Variants in ADGRL3 observed in about 807,000 individuals in gnomAD.
ADGRL3 encodes the protein adhesion G protein-coupled receptor L3.
In ADGRL3, 62 loss-of-function variants were observed where a neutral mutation model predicts 153.5. The ratio of observed to expected loss-of-function variants is 0.40; its 90% CI spans 0.33 to 0.50. The LOEUF is 0.50. Among genes scored for constraint, ADGRL3 ranks in the 20% least tolerant of loss-of-function variants. ADGRL3 has a pLI of 0.47. For missense variants in ADGRL3, 1,641 were observed against 1,859.4 expected, an observed-to-expected ratio of 0.88 and a Z score of 2.16; for synonymous variants, 710 against 672.5, an observed-to-expected ratio of 1.06 and a Z score of -0.86.
At chr4:61,846,579 A>C (rs557663045) in intron 9 of ADGRL3, among the ~76,000 whole-genome samples, 60 of 152,222 alleles carry the variant, frequency 3.9e-4, no homozygotes, top group African/African-American at 1.3e-3. Flanking sequence ...ATTTTTCTAT[A>C]ATATCATTGA....
intron 3 of ADGRL3, among the ~76,000 whole-genome samples, chr4:61,511,178 T>C (rs1476972419): frequency 6.6e-6 from 1 of 152,092 alleles, no homozygotes; most frequent in Non-Finnish European, 1.5e-5. Flanking sequence ...GCCAACTTGG[T>C]GAAACCCTCT....
intron 15 of ADGRL3, among the ~76,000 whole-genome samples, chr4:61,946,000 A>T (rs960931846): frequency 3.3e-5 from 5 of 152,184 alleles, no homozygotes; most frequent in Admixed American, 2.0e-4. Flanking sequence ...TAATTTATTT[A>T]TTCTCCTATA....
intron 1 of ADGRL3, among the ~76,000 whole-genome samples, chr4:61,344,290 AT>A (rs1457501425): frequency 6.6e-6 from 1 of 152,194 alleles, no homozygotes; most frequent in Non-Finnish European, 1.5e-5. Flanking sequence ...ATATATAAGA[AT>A]TGCTAACAGT....
chr4:61,499,655 G>A (rs2098361698), intron 3 of ADGRL3, among the ~76,000 whole-genome samples: 6 of 151,798 alleles, frequency 4.0e-5, no homozygotes, highest in Admixed American at 3.9e-4. Context: ...TTTTGTTCCA[G>A]TAAATTATAA....
At chr4:61,791,926 T>C (rs2097347514) in intron 8 of ADGRL3, among the ~76,000 whole-genome samples, 1 of 152,138 alleles carries the variant, frequency 6.6e-6, no homozygotes, top group African/African-American at 2.4e-5. Context: ...AGGGGAACCC[T>C]GGGCCCGGCC....
intron 9 of ADGRL3, among the ~76,000 whole-genome samples, chr4:61,849,558 C>T (rs1238082037): frequency 6.6e-6 from 1 of 151,994 alleles, no homozygotes; most frequent in Admixed American, 6.6e-5. Context: ...CGTATCTTGA[C>T]TCTTTCTATG....
At chr4:61,629,272 G>T (rs914310179) in intron 5 of ADGRL3, among the ~76,000 whole-genome samples, 1 of 152,140 alleles carries the variant, frequency 6.6e-6, no homozygotes, top group Middle Eastern at 3.4e-3. Context: ...TATCTTCTTG[G>T]CAATGTAGTG....
chr4:61,426,022 C>T (rs2097275472), intron 2 of ADGRL3, among the ~76,000 whole-genome samples: 1 of 152,098 alleles, frequency 6.6e-6, no homozygotes, highest in African/African-American at 2.4e-5. Flanking sequence ...TGTAGAAGTG[C>T]CCCACTGGGG....
chr4:61,235,319 T>G (rs1167971520), intron 1 of ADGRL3, among the ~76,000 whole-genome samples: 1 of 152,222 alleles, frequency 6.6e-6, no homozygotes, highest in African/African-American at 2.4e-5. Context: ...GAGAACTAGT[T>G]GATTGCTAAT....
intron 6 of ADGRL3, among the ~76,000 whole-genome samples, chr4:61,685,906 T>A (rs2095433606): frequency 6.6e-6 from 1 of 152,124 alleles, no homozygotes. Flanking sequence ...TCAGATGGTA[T>A]AAACATCTAG....
chr4:61,368,248 C>A (rs1053153154), intron 1 of ADGRL3, among the ~76,000 whole-genome samples: 3 of 152,074 alleles, frequency 2.0e-5, no homozygotes, highest in African/African-American at 7.2e-5. Context: ...TTAATTAGAT[C>A]CCATTTGTCA....
intron 24 of ADGRL3, among the ~76,000 whole-genome samples, chr4:62,042,102 TGC>T (rs1448054516): frequency 6.6e-6 from 1 of 152,076 alleles, no homozygotes; most frequent in East Asian, 1.9e-4. Flanking sequence ...TAGATGTATA[TGC>T]ACACACATGC....
At chr4:61,695,918 C>CA (rs1392028573) in intron 6 of ADGRL3, among the ~76,000 whole-genome samples, 1 of 152,154 alleles carries the variant, frequency 6.6e-6, no homozygotes, top group Non-Finnish European at 1.5e-5. Context: ...CCTCAGAAAC[C>CA]AATGTCTGCT....
rs899782332 is a variant in ADGRL3, at chr4:61,517,402, A to C, written c.143A>C (p.His48Pro). The change falls in exon 4 of 27, where the codon CAT becomes CCT. Residue 48 changes from histidine (H) to proline (P), a missense_variant. Physicochemically the swap from His to Pro is moderately conservative, Grantham distance 77 (BLOSUM62 -2). Around this residue, in one of 5 missense-constraint regions of ADGRL3, gnomAD observed 145 missense variants for 79.1 expected, o/e 1.83. Coordinates refer to ENST00000683033, the MANE Select transcript of ADGRL3 (RefSeq NM_001387552.1). ...CCAGGAGGCGCTCTTCCACCCAGAC[A>C]TCTGCTTCAGCAGCCAGCTGCAGAG... ...RSPGGALPPRHLLQQPAAERT... is the reference protein window; with the variant it reads ...RSPGGALPPRPLLQQPAAERT... The C allele has an allele frequency of 4.0e-6, 3 of 749,356 alleles. No homozygotes were observed. Among genetic ancestry groups the C allele is most frequent in the Admixed American group, 2.0e-5 (1 of 50,068 alleles). The allele number at this position is 749,356 out of a possible 1,614,324, so 46.4% of individuals were successfully genotyped here. A position where few individuals can be genotyped will look rare whatever the true frequency, so the allele number is the denominator to read the frequency against.
At chr4:61,434,771 A>C (rs2097423480) in intron 2 of ADGRL3, among the ~76,000 whole-genome samples, 1 of 152,080 alleles carries the variant, frequency 6.6e-6, no homozygotes, top group Non-Finnish European at 1.5e-5. Flanking sequence ...GCTACTTTTG[A>C]GGTTTTGATT....
intron 11 of ADGRL3, among the ~76,000 whole-genome samples, chr4:61,897,020 G>A (rs1280769650): frequency 6.6e-6 from 1 of 152,100 alleles, no homozygotes; most frequent in Non-Finnish European, 1.5e-5. Context: ...AATATAGTTG[G>A]ACCATTTTAT....
chr4:61,889,574 G>A lies in ADGRL3; in HGVS notation c.1481-3082G>A, dbSNP rs77485124. 5.3e-5 allele frequency among the ~76,000 whole-genome samples: 8 copies of A among 152,068 alleles called. No individual in the cohort carries two copies. In the East Asian group the frequency reaches 1.5e-3, roughly 29 times the overall value. ...AAAGGTAGAGAATGATTTGAATAGG[G>A]TAATTTTAGAAAAAAAATAAAGAAC... is the stretch of plus-strand genomic sequence containing the variant. On this transcript the variant is annotated intron_variant, in intron 9 of 26. Transcript: ENST00000683033.
At chr4:61,623,660 T>A (rs1025902122) in intron 5 of ADGRL3, among the ~76,000 whole-genome samples, 4 of 152,124 alleles carry the variant, frequency 2.6e-5, no homozygotes, top group Non-Finnish European at 4.4e-5. Flanking sequence ...TTACAGCAAG[T>A]ATTTACTACA....
At chr4:61,579,969 G>A (rs1368032876) in intron 4 of ADGRL3, among the ~76,000 whole-genome samples, 5 of 152,010 alleles carry the variant, frequency 3.3e-5, no homozygotes, top group Non-Finnish European at 7.4e-5. Flanking sequence ...GATTTTCAGA[G>A]CACATTTCTT....
Sources: allele counts gnomAD v4.1 joint callset (sites outside exome capture counted in the v4.1 genomes callset), GRCh38; gene constraint gnomAD v4.1.1; regional missense constraint gnomAD v4.1.1; transcripts MANE v1.5; gene names NCBI Gene and HGNC (gene_info 2026-07-23, HGNC 2026-07-21).